The following PPARGC1A variants were observed in gnomAD, a reference collection of about 807,000 sequenced individuals.
The protein encoded by PPARGC1A is peroxisome proliferator-activated receptor gamma coactivator 1-alpha.
Under a neutral mutation model 88.7 loss-of-function variants are expected in PPARGC1A, and 25 were observed. That is an observed-to-expected ratio of 0.28 (90% CI 0.21 to 0.39). The LOEUF is 0.39. PPARGC1A is among the 10% of genes least tolerant of loss of function. PPARGC1A has a pLI of 1.00. For missense variants in PPARGC1A, 880 were observed against 968.7 expected, an observed-to-expected ratio of 0.91 and a Z score of 1.22; for synonymous variants, 363 against 355.6, an observed-to-expected ratio of 1.02 and a Z score of -0.24.
At chr4:24,423,558 G>A in the PPARGC1A span, among the ~76,000 whole-genome samples, 1 of 151,734 alleles carries the variant, frequency 6.6e-6, no homozygotes, top group African/African-American at 2.4e-5. Context: ...GGCTGGGGGG[G>A]TGTCCCATGA....
At chr4:23,849,705 GA>G (rs1728934255) in intron 2 of PPARGC1A, among the ~76,000 whole-genome samples, 2 of 151,964 alleles carry the variant, frequency 1.3e-5, no homozygotes, top group Admixed American at 6.6e-5. Context: ...TTTTTAAAAA[GA>G]AAAGGGGCCA....
chr4:24,399,793 T>TC, the PPARGC1A span, among the ~76,000 whole-genome samples: 1 of 146,268 alleles, frequency 6.8e-6, no homozygotes, highest in Non-Finnish European at 1.5e-5. Flanking sequence ...GGAATCTCCT[T>TC]TTTTTTTTTT....
chr4:23,841,621 C>A (rs1727062837), intron 2 of PPARGC1A, among the ~76,000 whole-genome samples: 1 of 151,888 alleles, frequency 6.6e-6, no homozygotes. Flanking sequence ...ACCTTGAGAA[C>A]TGAGGGTGAA....
chr4:24,358,032 G>A, the PPARGC1A span, among the ~76,000 whole-genome samples: 2 of 152,172 alleles, frequency 1.3e-5, no homozygotes, highest in South Asian at 2.1e-4. Context: ...ACATTTAGGA[G>A]CATCCACAAT....
the PPARGC1A span, among the ~76,000 whole-genome samples, chr4:23,982,089 A>G: frequency 6.6e-6 from 1 of 151,724 alleles, no homozygotes; most frequent in Admixed American, 6.6e-5. Flanking sequence ...AAATATATCC[A>G]CTCCTACCCA....
the PPARGC1A span, among the ~76,000 whole-genome samples, chr4:24,214,889 G>A: frequency 1.3e-5 from 2 of 152,160 alleles, no homozygotes; most frequent in Non-Finnish European, 2.9e-5. Flanking sequence ...GGCAGAAATG[G>A]CACAGGAGAG....
the PPARGC1A span, among the ~76,000 whole-genome samples, chr4:24,468,023 T>C: frequency 2.6e-5 from 4 of 152,220 alleles, no homozygotes; most frequent in Non-Finnish European, 5.9e-5. Flanking sequence ...TCTGGCCTCA[T>C]GGACACTCGA....
At chr4:24,321,036 G>A in the PPARGC1A span, among the ~76,000 whole-genome samples, 1 of 152,116 alleles carries the variant, frequency 6.6e-6, no homozygotes, top group Non-Finnish European at 1.5e-5. Context: ...AGTTGCAAGT[G>A]TAGGGCCTGA....
the PPARGC1A span, among the ~76,000 whole-genome samples, chr4:24,053,782 G>T: frequency 6.6e-6 from 1 of 152,166 alleles, no homozygotes; most frequent in African/African-American, 2.4e-5. Flanking sequence ...TCTGCTTAAA[G>T]CTGTTAGCAT....
At chr4:24,144,703 T>C in the PPARGC1A span, among the ~76,000 whole-genome samples, 1 of 151,956 alleles carries the variant, frequency 6.6e-6, no homozygotes, top group Admixed American at 6.6e-5. Context: ...CTCCCTCCAC[T>C]TTCCCCTTTT....
At chr4:23,876,362 T>C (rs535733441) in intron 2 of PPARGC1A, among the ~76,000 whole-genome samples, 5 of 152,342 alleles carry the variant, frequency 3.3e-5, no homozygotes, top group Non-Finnish European at 7.4e-5. Flanking sequence ...TAGGTGTCTG[T>C]GTCAAGAATA....
At chr4:24,205,296 T>C in the PPARGC1A span, among the ~76,000 whole-genome samples, 734 of 152,304 alleles carry the variant, frequency 4.8e-3, 27 homozygotes, top group East Asian at 0.094. Flanking sequence ...ATCATTTCAC[T>C]CATCTCTGTA....
At chr4:23,998,564 T>C in the PPARGC1A span, among the ~76,000 whole-genome samples, 1 of 152,192 alleles carries the variant, frequency 6.6e-6, no homozygotes, top group Non-Finnish European at 1.5e-5. Flanking sequence ...GGTCACATGA[T>C]AACAGGAAAC....
the PPARGC1A span, among the ~76,000 whole-genome samples, chr4:24,077,495 C>G: frequency 6.6e-6 from 1 of 151,828 alleles, no homozygotes; most frequent in Non-Finnish European, 1.5e-5. Context: ...CCTCTCCTAG[C>G]TCCAAGTAGT....
the PPARGC1A span, among the ~76,000 whole-genome samples, chr4:24,137,835 A>T: frequency 7.2e-5 from 11 of 152,200 alleles, no homozygotes; most frequent in African/African-American, 1.9e-4. Context: ...CCTTTCCCTG[A>T]AATGCTATCC....
the PPARGC1A span, among the ~76,000 whole-genome samples, chr4:24,337,548 C>T: frequency 6.6e-6 from 1 of 152,118 alleles, no homozygotes; most frequent in Non-Finnish European, 1.5e-5. Flanking sequence ...AGAGGAGCCC[C>T]TACTGAGCGT....
chr4:24,271,279 C>T, the PPARGC1A span, among the ~76,000 whole-genome samples: 1 of 152,172 alleles, frequency 6.6e-6, no homozygotes, highest in African/African-American at 2.4e-5. Flanking sequence ...TCAAGAAATG[C>T]ACAATTCCTC....
the PPARGC1A span, among the ~76,000 whole-genome samples, chr4:24,357,193 A>G: frequency 1.3e-5 from 2 of 152,322 alleles, no homozygotes; most frequent in African/African-American, 4.8e-5. Flanking sequence ...CAGGATGCTA[A>G]CCTGGGAAAA....
the PPARGC1A span, among the ~76,000 whole-genome samples, chr4:24,367,850 C>G: frequency 5.9e-5 from 9 of 152,080 alleles, no homozygotes; most frequent in African/African-American, 2.2e-4. Context: ...GACAGTGTTA[C>G]CAGAAATTGT....
Sources: gnomAD v4.1 joint callset for allele counts (sites outside exome capture counted in the v4.1 genomes callset) on GRCh38, gnomAD v4.1.1 for gene constraint, MANE v1.5 for transcripts, NCBI Gene and HGNC (gene_info 2026-07-23, HGNC 2026-07-21) for gene names.